The following NID2 variants were observed in gnomAD, a reference collection of about 807,000 sequenced individuals.
NID2 encodes nidogen-2.
NID2 carries 83 observed loss-of-function variants against 145.4 expected under a neutral mutation model. The observed-to-expected ratio is 0.57, with a 90% CI of 0.48 to 0.69. The LOEUF is 0.69. Among genes scored for constraint, NID2 ranks in the 30% least tolerant of loss-of-function variants. The pLI, the probability that NID2 is intolerant of heterozygous loss-of-function variation, is 0.00. For missense variants in NID2, 1,807 were observed against 1,765.7 expected, an observed-to-expected ratio of 1.02 and a Z score of -0.42; for synonymous variants, 739 against 701.3, an observed-to-expected ratio of 1.05 and a Z score of -0.85.
chr14:52,042,251 CCCACGATATACGCATGCAGGT>C lies in NID2; in HGVS notation c.1658_1678del (p.Asp553_Val559del). On this transcript the variant is annotated inframe_deletion, in exon 7 of 22. Coordinates refer to ENST00000216286, the MANE Select transcript of NID2 (RefSeq NM_007361.4). ...GGCCGTGTAGGCTCTGCCATCATTG[CCCACGATATACGCATGCAGGT>C]CCACATCAGTGAAGTGCACGGGTGT... The C allele has an allele frequency of 1.2e-6, 2 of 1,614,206 alleles. No homozygotes were observed. Among genetic ancestry groups the C allele is most frequent in the Non-Finnish European group, 1.7e-6 (2 of 1,180,038 alleles).
chr14:52,006,075 A>T, intron 20 of NID2: 1 of 532,288 alleles, frequency 1.9e-6, no homozygotes, highest in Non-Finnish European at 3.4e-6. Flanking sequence ...TCAGAGTTGT[A>T]GGGCATGGTG....
At chr14:52,029,433 T>C (rs376973962) in intron 10 of NID2, 114 bp downstream of exon 10, 1 of 955,254 alleles carries the variant, frequency 1.0e-6, no homozygotes, top group African/African-American at 1.6e-5. Context: ...GCTAAAATCA[T>C]TGACAATGGA....
Position 52,011,664 on chromosome 14 carries a change from A to G in NID2, c.3440T>C (p.Ile1147Thr), listed in dbSNP as rs779372680. 5 of 1,614,074 alleles carry G rather than the reference A, an allele frequency of 3.1e-6. No homozygotes were observed. Among genetic ancestry groups the G allele is most frequent in the African/African-American group, 2.7e-5 (2 of 74,930 alleles). ...CATCCTCTCCCGGCAGTCGTAATCA[A>G]TTCCCACGATTATGGAGCCCTTTGT... ...LSLHGSIIVGIDYDCRERMVY... is the reference protein window; with the variant it reads ...LSLHGSIIVGTDYDCRERMVY... Residue 1147 changes from isoleucine (I) to threonine (T), a missense_variant, in exon 17 of 22, where the codon ATT (isoleucine) becomes ACT (threonine). Physicochemically the swap from Ile to Thr is moderately conservative, Grantham distance 89. Coordinates refer to ENST00000216286, the MANE Select transcript of NID2 (RefSeq NM_007361.4).
At chr14:52,052,912 A>C (rs1892722800) in intron 5 of NID2, among the ~76,000 whole-genome samples, 1 of 152,170 alleles carries the variant, frequency 6.6e-6, no homozygotes, top group Non-Finnish European at 1.5e-5. Flanking sequence ...CATGTCCATG[A>C]TAATTAACCA....
intron 3 of NID2, among the ~76,000 whole-genome samples, chr14:52,055,814 C>T (rs1012111543): frequency 2.0e-4 from 30 of 152,276 alleles, no homozygotes; most frequent in African/African-American, 7.2e-4. Context: ...ATAATAAAAA[C>T]TTCACTAAAT....
intron 8 of NID2, among the ~76,000 whole-genome samples, chr14:52,040,389 C>T (rs566571429): frequency 3.9e-5 from 6 of 152,170 alleles, no homozygotes; most frequent in African/African-American, 1.4e-4. Flanking sequence ...CCATCCCTAC[C>T]CACCCCATGG....
Position 52,038,829 on chromosome 14 carries a change from G to C in NID2, c.2175C>G (p.Asn725Lys), listed in dbSNP as rs567307405. 2 of 1,613,952 alleles carry C rather than the reference G, an allele frequency of 1.2e-6. No homozygotes were observed. The highest frequency in any genetic ancestry group is 1.7e-5 in the Admixed American group (1 of 59,984). The change falls in exon 9 of 22, where the codon AAC becomes AAG. Residue 725 changes from asparagine to lysine, a missense_variant. Coordinates refer to ENST00000216286, the MANE Select transcript of NID2 (RefSeq NM_007361.4). ...HPSFPTTQQL[N>K]VDRVFALYND... ...TATACAAGGCAAAGACCCGGTCCAC[G>C]TTCAGCTGCTGGGTGGTGGGGAAGG...
chr14:52,034,068 C>T lies in NID2; in HGVS notation c.2258-4378G>A, dbSNP rs1053319845. Among the ~76,000 whole-genome samples the T allele has an allele frequency of 5.3e-5, 8 of 152,106 alleles. No homozygotes were observed. The East Asian group carries it at 1.2e-3, about 22-fold the overall frequency. ...ATTGTGGGGATTAAATGAGTTAATT[C>T]ATGTAAGGTGCTTAGAACAGTACTT... On this transcript the variant is annotated intron_variant, in intron 9 of 21. Transcript: ENST00000216286.
At chr14:52,037,960 A>G (rs999424572) in intron 9 of NID2, among the ~76,000 whole-genome samples, 1 of 152,246 alleles carries the variant, frequency 6.6e-6, no homozygotes, top group Non-Finnish European at 1.5e-5. Context: ...GATCTTGCAT[A>G]TCTTATAACA....
At chr14:52,026,598 C>CA (rs1491201881) in intron 12 of NID2, among the ~76,000 whole-genome samples, 1 of 152,196 alleles carries the variant, frequency 6.6e-6, no homozygotes, top group Admixed American at 6.5e-5. Context: ...CATTTATACT[C>CA]AGAGAGTTAT....
intron 9 of NID2, among the ~76,000 whole-genome samples, chr14:52,030,187 T>C (rs1891748620): frequency 6.6e-6 from 1 of 152,224 alleles, no homozygotes; most frequent in African/African-American, 2.4e-5. Context: ...CCAATTTTTA[T>C]AGGTAAATCC....
intron 20 of NID2, chr14:52,006,144 A>AT (rs1331152810): frequency 2.4e-6 from 1 of 424,528 alleles, no homozygotes; most frequent in African/African-American, 2.0e-5. Flanking sequence ...TCTAAATAGT[A>AT]TTTTTCGGTC....
intron 1 of NID2, 124 bp from the exon 2 acceptor site, chr14:52,068,287 G>T: frequency 1.1e-6 from 1 of 948,848 alleles, no homozygotes; most frequent in Non-Finnish European, 1.6e-6. Context: ...ACTGGCCAGG[G>T]AGTCTGGATT....
intron 3 of NID2, among the ~76,000 whole-genome samples, chr14:52,056,275 A>C (rs1162255530): frequency 6.6e-6 from 1 of 152,228 alleles, no homozygotes; most frequent in East Asian, 1.9e-4. Flanking sequence ...TAAAAGCTAA[A>C]TAAAATAACC....
At position 52,038,844 on chromosome 14, in the gene NID2, G is replaced by T. The variant is rs368682726; in HGVS notation, c.2160C>A (p.Thr720=). The T allele has an allele frequency of 6.2e-7, 1 of 1,613,968 alleles. No individual in the cohort carries two copies. The highest frequency in any genetic ancestry group is 1.3e-5 in the African/African-American group (1 of 74,926). Residue 720 remains threonine (T), a synonymous_variant, in exon 9 of 22, where the codon ACC becomes ACA. Transcript: ENST00000216286. ...RHAPRHPSFP[T]TQQLNVDRVF... ...CCCGGTCCACGTTCAGCTGCTGGGT[G>T]GTGGGGAAGGACGGGTGTCTGGGGG...
chr14:52,058,190 A>G (rs1892917601), intron 3 of NID2, among the ~76,000 whole-genome samples: 1 of 152,240 alleles, frequency 6.6e-6, no homozygotes, highest in Non-Finnish European at 1.5e-5. Flanking sequence ...TTGTAGCCTT[A>G]AAATGGTAGT....
At chr14:52,047,609 T>A (rs1011181216) in intron 5 of NID2, among the ~76,000 whole-genome samples, 6 of 152,022 alleles carry the variant, frequency 3.9e-5, no homozygotes, top group African/African-American at 7.3e-5. Flanking sequence ...GTACAGGGGA[T>A]AAGAAGGGCC....
intron 19 of NID2, 130 bp downstream of exon 19, chr14:52,007,680 A>G: frequency 2.4e-6 from 2 of 825,382 alleles, no homozygotes; most frequent in Non-Finnish European, 2.0e-6. Context: ...TAAATTTACT[A>G]GTACTTAAAA....
intron 7 of NID2, among the ~76,000 whole-genome samples, chr14:52,041,710 GGGA>G (rs200024083): frequency 1.1e-3 from 169 of 152,248 alleles, no homozygotes; most frequent in African/African-American, 3.3e-3. Flanking sequence ...TTGTGGAGCT[GGGA>G]GGAGAAGAGC....
Sources: gnomAD v4.1 joint callset for allele counts (sites outside exome capture counted in the v4.1 genomes callset) on GRCh38, gnomAD v4.1.1 for gene constraint, MANE v1.5 for transcripts, NCBI Gene and HGNC (gene_info 2026-07-23, HGNC 2026-07-21) for gene names.